Variants in PTPRT observed in about 807,000 individuals in gnomAD.
The protein encoded by PTPRT is protein tyrosine phosphatase receptor type T.
PTPRT carries 56 observed loss-of-function variants against 176.8 expected under a neutral mutation model. The observed-to-expected ratio is 0.32, with a 90% CI of 0.26 to 0.40. PTPRT has a LOEUF of 0.40. Ranked by LOEUF, PTPRT falls within the 10% of genes least tolerant of loss-of-function variation. PTPRT has a pLI of 1.00. For missense variants in PTPRT, 1,540 were observed against 1,908.2 expected, an observed-to-expected ratio of 0.81 and a Z score of 3.60; for synonymous variants, 783 against 739.0, an observed-to-expected ratio of 1.06 and a Z score of -0.96.
chr20:42,763,826 T>C (rs1235080476), intron 5 of PTPRT, among the ~76,000 whole-genome samples: 1 of 152,198 alleles, frequency 6.6e-6, no homozygotes. Flanking sequence ...GAGCCCTCTA[T>C]GTACGTGGCT....
chr20:42,922,610 C>T (rs1487066714), intron 1 of PTPRT, among the ~76,000 whole-genome samples: 1 of 152,174 alleles, frequency 6.6e-6, no homozygotes, highest in African/African-American at 2.4e-5. Flanking sequence ...TAGTCTTGCC[C>T]ACACCACTAA....
chr20:42,591,741 C>G (rs903672618), intron 7 of PTPRT, among the ~76,000 whole-genome samples: 2 of 152,300 alleles, frequency 1.3e-5, no homozygotes, highest in Middle Eastern at 6.8e-3. Context: ...GTTCCCCTAA[C>G]CTGAGGCTCA....
At chr20:42,831,605 C>T (rs919328298) in intron 2 of PTPRT, among the ~76,000 whole-genome samples, 14 of 152,002 alleles carry the variant, frequency 9.2e-5, no homozygotes, top group Non-Finnish European at 1.3e-4. Flanking sequence ...CTACATAATG[C>T]GAGAAAATGT....
At chr20:42,049,840 C>T in the PTPRT span, among the ~76,000 whole-genome samples, 1 of 152,216 alleles carries the variant, frequency 6.6e-6, no homozygotes, top group Non-Finnish European at 1.5e-5. Context: ...ACCGAGATGG[C>T]TCCAAGAGGG....
chr20:42,630,668 T>C (rs1004277238), intron 7 of PTPRT, among the ~76,000 whole-genome samples: 1 of 152,186 alleles, frequency 6.6e-6, no homozygotes, highest in African/African-American at 2.4e-5. Flanking sequence ...TTTAAAATCA[T>C]ACATTATTTA....
intron 7 of PTPRT, among the ~76,000 whole-genome samples, chr20:42,491,113 C>T (rs767658204): frequency 6.6e-5 from 10 of 152,038 alleles, no homozygotes; most frequent in Non-Finnish European, 1.0e-4. Flanking sequence ...GGATAAGCCC[C>T]ATATAATTAT....
rs149115664 is a variant in PTPRT, at chr20:42,539,153, T to C, written c.1154-66591A>G. Among the ~76,000 whole-genome samples, 697 of 152,268 alleles carry C rather than the reference T, an allele frequency of 4.6e-3. 4 individuals are homozygous for C. The highest frequency in any genetic ancestry group is 0.016 in the African/African-American group (665 of 41,556). ...CCTAAGTACAGATCTTGGTATTCAG[T>C]AAGACTCAGTAGTTGCTGAATAGTT... On this transcript the variant is annotated intron_variant, in intron 7 of 30. Coordinates refer to ENST00000373187, the MANE Select transcript of PTPRT (RefSeq NM_007050.6).
intron 1 of PTPRT, among the ~76,000 whole-genome samples, chr20:42,978,493 T>C (rs1300818580): frequency 6.6e-6 from 1 of 152,178 alleles, no homozygotes; most frequent in African/African-American, 2.4e-5. Flanking sequence ...GATGAACATA[T>C]CACTTTATCA....
intron 2 of PTPRT, among the ~76,000 whole-genome samples, chr20:42,810,596 T>C (rs572532442): frequency 3.3e-5 from 5 of 152,318 alleles, no homozygotes; most frequent in South Asian, 2.1e-4. Context: ...CTTACCATTG[T>C]ATAAAATAAT....
At chr20:42,588,262 G>A (rs187541530) in intron 7 of PTPRT, among the ~76,000 whole-genome samples, 121 of 152,210 alleles carry the variant, frequency 7.9e-4, no homozygotes, top group Admixed American at 2.0e-3. Flanking sequence ...TGGTCAACAC[G>A]GTGAAATGCC....
At chr20:42,367,325 GA>G (rs1467017293) in intron 9 of PTPRT, among the ~76,000 whole-genome samples, 1 of 152,202 alleles carries the variant, frequency 6.6e-6, no homozygotes, top group Admixed American at 6.5e-5. Flanking sequence ...AGTCAGACCT[GA>G]ATCTACAACA....
At chr20:42,932,137 G>A (rs1185224123) in intron 1 of PTPRT, among the ~76,000 whole-genome samples, 1 of 152,228 alleles carries the variant, frequency 6.6e-6, no homozygotes, top group Non-Finnish European at 1.5e-5. Flanking sequence ...AGAACACAGG[G>A]CTGTGCAGGT....
chr20:42,463,423 C>A (rs1045802558), intron 8 of PTPRT, among the ~76,000 whole-genome samples: 3 of 152,122 alleles, frequency 2.0e-5, no homozygotes, highest in Non-Finnish European at 1.5e-5. Flanking sequence ...AAAAAGCACA[C>A]TAAAATTGCT....
chr20:42,360,783 T>G (rs900655713), intron 9 of PTPRT, among the ~76,000 whole-genome samples: 3 of 152,202 alleles, frequency 2.0e-5, no homozygotes, highest in Non-Finnish European at 4.4e-5. Flanking sequence ...CCCATGATCC[T>G]GCTCATTGGA....
intron 7 of PTPRT, among the ~76,000 whole-genome samples, chr20:42,489,805 T>C (rs1157187902): frequency 6.6e-6 from 1 of 152,182 alleles, no homozygotes; most frequent in Non-Finnish European, 1.5e-5. Context: ...ACAAACTTTT[T>C]TTGAAGAAAT....
In PTPRT at chr20:42,881,988, C is replaced by T. The variant is rs370646240; in HGVS notation, c.214+3819G>A. Among the ~76,000 whole-genome samples, 4 of 152,224 alleles carry T rather than the reference C, an allele frequency of 2.6e-5. No homozygotes were observed. The East Asian group carries it at 5.8e-4, about 22-fold the overall frequency. Reference sequence around the variant, plus strand: ...CCATGACAAGGATTTCAGATTTCATCCTATGTGCCAGGGGAGGCCATCAGC... The same window carrying T: ...CCATGACAAGGATTTCAGATTTCATTCTATGTGCCAGGGGAGGCCATCAGC... On this transcript the variant is annotated intron_variant, in intron 2 of 30. Transcript: ENST00000373187.
At chr20:42,818,784 CGGAA>C (rs1410835133) in intron 2 of PTPRT, among the ~76,000 whole-genome samples, 1 of 151,852 alleles carries the variant, frequency 6.6e-6, no homozygotes, top group African/African-American at 2.4e-5. Flanking sequence ...ACTGACCACG[CGGAA>C]GAAAGGATAT....
intron 22 of PTPRT, among the ~76,000 whole-genome samples, chr20:42,113,657 G>A (rs1457880981): frequency 6.6e-6 from 1 of 152,204 alleles, no homozygotes; most frequent in Non-Finnish European, 1.5e-5. Context: ...AGACTTCACT[G>A]GAGCCTCTGT....
chr20:42,032,816 G>A, the PTPRT span, among the ~76,000 whole-genome samples: 2 of 152,096 alleles, frequency 1.3e-5, no homozygotes, highest in Non-Finnish European at 2.9e-5. Context: ...AAGCTGCCAT[G>A]TTGTGAGCAA....
Sources: allele counts gnomAD v4.1 joint callset (sites outside exome capture counted in the v4.1 genomes callset), GRCh38; gene constraint gnomAD v4.1.1; transcripts MANE v1.5; gene names NCBI Gene and HGNC (gene_info 2026-07-23, HGNC 2026-07-21).